The following DGKI variants were observed in gnomAD, a reference collection of about 807,000 sequenced individuals.
DGKI encodes the protein diacylglycerol kinase iota.
Under a neutral mutation model 147.5 loss-of-function variants are expected in DGKI, and 55 were observed. That is an observed-to-expected ratio of 0.37 (90% CI 0.30 to 0.47). DGKI has a LOEUF of 0.47. Ranked by LOEUF, DGKI falls within the 20% of genes least tolerant of loss-of-function variation. DGKI has a pLI of 1.00. For synonymous variants in DGKI, 469 were observed against 477.1 expected (o/e 0.98, Z 0.22); for missense variants, 1,007 against 1,323.8 (o/e 0.76, Z 3.71).
chr7:137,583,411 C>T (rs1819274721), intron 14 of DGKI, among the ~76,000 whole-genome samples: 1 of 152,104 alleles, frequency 6.6e-6, no homozygotes, highest in Non-Finnish European at 1.5e-5. Context: ...ACATGTTCAC[C>T]TCCTCTACCA....
At chr7:137,812,482 G>C (rs6966928) in intron 1 of DGKI, among the ~76,000 whole-genome samples, 14,182 of 152,168 alleles carry the variant, frequency 0.093, 1,896 homozygotes, top group African/African-American at 0.3. Context: ...AGGACAGTAA[G>C]GTGCCAAGGC....
At chr7:137,603,058 G>A (rs1448085102) in intron 10 of DGKI, among the ~76,000 whole-genome samples, 2 of 152,056 alleles carry the variant, frequency 1.3e-5, no homozygotes, top group Non-Finnish European at 2.9e-5. Flanking sequence ...AGTGCAACAG[G>A]AGAATACAAA....
In DGKI at chr7:137,678,681, A is replaced by G. The variant is rs199919824; in HGVS notation, c.511-29T>C. 2.3e-4 allele frequency: 349 copies of G among 1,501,032 alleles called. No individual in the cohort carries two copies. In the East Asian group the frequency reaches 7.6e-3, roughly 32 times the overall value. 93.0% of individuals were successfully genotyped at this position (1,501,032 alleles called of 1,614,324 possible). ...CAAGGAAAAGACCCACCTGACATCA[A>G]TTTTTTTTTTCCAGGGATAAGGAAA... is the stretch of plus-strand genomic sequence containing the variant. On this transcript the variant is annotated intron_variant, in intron 2 of 32. Coordinates refer to ENST00000614521, the MANE Select transcript of DGKI (RefSeq NM_001321708.2).
intron 12 of DGKI, among the ~76,000 whole-genome samples, chr7:137,590,793 A>G (rs1350700435): frequency 6.6e-6 from 1 of 152,180 alleles, no homozygotes; most frequent in African/African-American, 2.4e-5. Context: ...CGTGGGCTCA[A>G]GCGATTCTCC....
intron 19 of DGKI, 95 bp from the exon 20 acceptor site, chr7:137,552,663 C>G: frequency 5.3e-6 from 7 of 1,314,786 alleles, no homozygotes; most frequent in Non-Finnish European, 7.4e-6. Context: ...AATCCCAGCA[C>G]TTTGGGAGAC....
intron 19 of DGKI, among the ~76,000 whole-genome samples, chr7:137,554,502 C>T (rs1818155103): frequency 6.6e-6 from 1 of 152,202 alleles, no homozygotes. Flanking sequence ...TGACCTAATG[C>T]ATTCATTGCC....
At chr7:137,394,924 C>T (rs1175493331) in intron 32 of DGKI, among the ~76,000 whole-genome samples, 4 of 152,168 alleles carry the variant, frequency 2.6e-5, no homozygotes, top group Non-Finnish European at 4.4e-5. Context: ...TTAATTTAAG[C>T]CTCAGCTACT....
chr7:137,750,623 C>T (rs183676506), intron 1 of DGKI, among the ~76,000 whole-genome samples: 53 of 152,280 alleles, frequency 3.5e-4, no homozygotes, highest in Non-Finnish European at 2.8e-4. Flanking sequence ...CAGCAATCAG[C>T]ATCTGTATAA....
intron 32 of DGKI, among the ~76,000 whole-genome samples, chr7:137,392,513 G>C (rs140986374): frequency 6.6e-6 from 1 of 152,040 alleles, no homozygotes; most frequent in Non-Finnish European, 1.5e-5. Context: ...CTTTCATCTC[G>C]GCTATCCCAA....
chr7:137,531,819 G>C (rs1817348336), intron 20 of DGKI, among the ~76,000 whole-genome samples: 3 of 152,152 alleles, frequency 2.0e-5, no homozygotes, highest in African/African-American at 7.2e-5. Context: ...TTTCACAGAA[G>C]AAAACACTTG....
intron 23 of DGKI, among the ~76,000 whole-genome samples, chr7:137,472,389 ATAT>A (rs372907362): frequency 0.049 from 278 of 5,668 alleles, 17 homozygotes; most frequent in East Asian, 0.24. Context: ...GTATATATAC[ATAT>A]TATAATTATT....
intron 6 of DGKI, among the ~76,000 whole-genome samples, chr7:137,633,199 C>T (rs926838977): frequency 3.9e-5 from 5 of 129,680 alleles, no homozygotes; most frequent in Non-Finnish European, 7.8e-5. Context: ...GCAACAAGAG[C>T]GAAACTCGTT....
intron 3 of DGKI, among the ~76,000 whole-genome samples, chr7:137,660,434 C>G (rs1349038850): frequency 6.6e-6 from 1 of 152,208 alleles, no homozygotes; most frequent in Non-Finnish European, 1.5e-5. Context: ...CTACATATTT[C>G]CCATGCTGCA....
chr7:137,725,246 G>A (rs1004908985), intron 1 of DGKI, among the ~76,000 whole-genome samples: 8 of 152,024 alleles, frequency 5.3e-5, no homozygotes, highest in Non-Finnish European at 7.4e-5. Flanking sequence ...GTCAACCTAC[G>A]GGAGAAGTGA....
intron 1 of DGKI, among the ~76,000 whole-genome samples, chr7:137,779,888 C>G (rs1796468210): frequency 6.6e-6 from 1 of 152,058 alleles, no homozygotes; most frequent in Non-Finnish European, 1.5e-5. Flanking sequence ...TTAAATGAAA[C>G]TTCAGTCATT....
chr7:137,722,435 T>G (rs1256221069), intron 1 of DGKI: 1 of 1,611,258 alleles, frequency 6.2e-7, no homozygotes, highest in South Asian at 1.1e-5. Flanking sequence ...GGGACCATTC[T>G]GATCATCCTC....
chr7:137,490,772 T>C (rs1246539165), intron 21 of DGKI, among the ~76,000 whole-genome samples: 1 of 152,204 alleles, frequency 6.6e-6, no homozygotes, highest in African/African-American at 2.4e-5. Flanking sequence ...AGTGTCACTA[T>C]CCCTGAGCTC....
chr7:137,439,590 G>T (rs929780851), intron 28 of DGKI, among the ~76,000 whole-genome samples: 1 of 152,146 alleles, frequency 6.6e-6, no homozygotes, highest in African/African-American at 2.4e-5. Flanking sequence ...CTTGACACAT[G>T]GGGATTATTA....
intron 8 of DGKI, among the ~76,000 whole-genome samples, chr7:137,616,264 C>A (rs918698275): frequency 1.3e-5 from 2 of 152,090 alleles, no homozygotes; most frequent in African/African-American, 2.4e-5. Context: ...TAACAGGATA[C>A]CTGCTCATAG....
Sources: allele counts gnomAD v4.1 joint callset (sites outside exome capture counted in the v4.1 genomes callset), GRCh38; gene constraint gnomAD v4.1.1; transcripts MANE v1.5; gene names NCBI Gene and HGNC (gene_info 2026-07-23, HGNC 2026-07-21).